The following ZNF585B variants were observed in gnomAD, a reference collection of about 807,000 sequenced individuals.
ZNF585B encodes zinc finger protein 41-like protein.
Under a neutral mutation model 14.0 loss-of-function variants are expected in ZNF585B, and 7 were observed. That is an observed-to-expected ratio of 0.50 (90% confidence interval 0.28 to 0.94). The LOEUF (loss-of-function observed/expected upper bound fraction) is 0.94. ZNF585B is among the 40% of genes least tolerant of loss of function. ZNF585B has a pLI of 0.09. For missense variants in ZNF585B, 750 were observed against 924.4 expected, an observed-to-expected ratio of 0.81 and a Z score of 2.45; for synonymous variants, 290 against 317.3, an observed-to-expected ratio of 0.91 and a Z score of 0.91.
At position 37,182,300 on chromosome 19, in the gene ZNF585B, G is replaced by A. The variant is rs1430053362; in HGVS notation, c.*2927C>T. The stretch of plus-strand genomic sequence containing the variant: ...CCATATTTCCTGGAATTCATGAGGA[G>A]TGATACACTTAGGAGTAAGGTAAAA... On this transcript the variant is annotated 3_prime_UTR_variant, in exon 5 of 5. Transcript: ENST00000532828. The A allele has an allele frequency of 6.6e-6, 1 of 152,212 alleles. No homozygotes were observed. The highest frequency in any genetic ancestry group is 1.5e-5 in the Non-Finnish European group (1 of 68,046). 9.4% of individuals were successfully genotyped at this position (152,212 alleles called of 1,614,324 possible). A position where few individuals can be genotyped will look rare whatever the true frequency, so the allele number is the denominator to read the frequency against.
intron 2 of ZNF585B, among the ~76,000 whole-genome samples, chr19:37,200,906 C>T (rs374124383): frequency 1.1e-3 from 161 of 151,836 alleles, no homozygotes; most frequent in African/African-American, 3.4e-3. Context: ...TCCTGCCCAA[C>T]GTGGTGAAAC....
rs376398560 is a variant in ZNF585B, at chr19:37,184,414, AAGAG to A, written c.*809_*812del. On this transcript the variant is annotated 3_prime_UTR_variant, in exon 5 of 5. Coordinates refer to ENST00000532828, the MANE Select transcript of ZNF585B (RefSeq NM_152279.4). Reference sequence around the variant, plus strand: ...AAAGAAAGAAAGAAAGAAAGAAAGAAAGAGAAAGAAAGAAAAAGAAAGAAAGAAG... The same window carrying A: ...AAAGAAAGAAAGAAAGAAAGAAAGAAAAAGAAAGAAAAAGAAAGAAAGAAG... 42 of 37,232 alleles carry A rather than the reference AAGAG, an allele frequency of 1.1e-3. 4 individuals carry two copies. Among genetic ancestry groups the A allele is most frequent in the African/African-American group, 2.3e-3 (20 of 8,518 alleles). The allele number at this position is 37,232 out of a possible 1,614,324, so 2.3% of individuals were successfully genotyped here.
rs59685400 is a variant in ZNF585B, at chr19:37,184,428, A to AAGAGAGAG, written c.*798_*799insCTCTCTCT. ...AGAAAGAAAGAAAGAGAAAGAAAGA[A>AAGAGAGAG]AAAGAAAGAAAGAAGGAAAGAAAGA... is the stretch of plus-strand genomic sequence containing the variant. On this transcript the variant is annotated 3_prime_UTR_variant, in exon 5 of 5. Coordinates refer to ENST00000532828, the MANE Select transcript of ZNF585B (RefSeq NM_152279.4). 4 of 52,466 alleles carry AAGAGAGAG rather than the reference A, an allele frequency of 7.6e-5. No individual in the cohort carries two copies. In the East Asian group the frequency reaches 1.7e-3, roughly 23 times the overall value. 3.3% of individuals were successfully genotyped at this position (52,466 alleles called of 1,614,324 possible).
At position 37,202,419 on chromosome 19, in the gene ZNF585B, A is replaced by G. The variant is rs540753934; in HGVS notation, c.72+4621T>C. ...CAAAATAAAACAAAAACCTGAAACA[A>G]GGTTGAGAATAATTTCTGATATTAT... On this transcript the variant is annotated intron_variant, in intron 2 of 4. Transcript: ENST00000532828. Among the ~76,000 whole-genome samples the G allele has an allele frequency of 5.2e-4, 79 of 152,352 alleles. 3 individuals carry two copies. The South Asian group carries it at 8.3e-3, about 16-fold the overall frequency.
At position 37,184,682 on chromosome 19, in the gene ZNF585B, G is replaced by A. The variant is rs945756512; in HGVS notation, c.*545C>T. 47 of 225,788 alleles carry A rather than the reference G, an allele frequency of 2.1e-4. No individual in the cohort carries two copies. Among genetic ancestry groups the A allele is most frequent in the Middle Eastern group, 1.4e-3 (1 of 722 alleles). 14.0% of individuals were successfully genotyped at this position (225,788 alleles called of 1,614,324 possible). On this transcript the variant is annotated 3_prime_UTR_variant, in exon 5 of 5. Transcript: ENST00000532828. ...CTGTGTCTGAATACACAGGGAGTTTGTCTTATTGCAGTATCTCTTGCTTGA... is the reference window on the plus strand; with the variant it reads ...CTGTGTCTGAATACACAGGGAGTTTATCTTATTGCAGTATCTCTTGCTTGA...
At chr19:37,209,383 G>A (rs1211832710) in intron 1 of ZNF585B, among the ~76,000 whole-genome samples, 2 of 151,950 alleles carry the variant, frequency 1.3e-5, no homozygotes, top group South Asian at 2.1e-4. Context: ...GATTACAGGC[G>A]TGAGCCACCA....
intron 3 of ZNF585B, 29 bp downstream of exon 3, chr19:37,189,995 C>T: frequency 1.9e-6 from 3 of 1,611,258 alleles, no homozygotes; most frequent in Non-Finnish European, 2.5e-6. Context: ...GTGAGGCCTC[C>T]TTTCAGATAC....
intron 1 of ZNF585B, among the ~76,000 whole-genome samples, chr19:37,208,443 GA>G (rs1363906032): frequency 6.6e-6 from 1 of 151,808 alleles, no homozygotes; most frequent in East Asian, 1.9e-4. Context: ...AGCTATAACA[GA>G]AAAAAACAGG....
At chr19:37,196,960 A>C (rs954611701) in intron 2 of ZNF585B, among the ~76,000 whole-genome samples, 9 of 152,156 alleles carry the variant, frequency 5.9e-5, no homozygotes, top group Non-Finnish European at 1.0e-4. Context: ...AACTGTGCTT[A>C]GTATAATTGC....
intron 2 of ZNF585B, among the ~76,000 whole-genome samples, chr19:37,200,258 A>C (rs983848932): frequency 1.3e-5 from 2 of 151,700 alleles, no homozygotes; most frequent in African/African-American, 4.8e-5. Flanking sequence ...CCCTGCTAAA[A>C]CACAAAAGGT....
At position 37,207,273 on chromosome 19, in the gene ZNF585B, C is replaced by G. The variant is rs978590836; in HGVS notation, c.-143-19G>C. 2 of 1,432,648 alleles carry G rather than the reference C, an allele frequency of 1.4e-6. No homozygotes were observed. Among genetic ancestry groups the G allele is most frequent in the East Asian group, 5.0e-5 (2 of 39,620 alleles). The allele number at this position is 1,432,648 out of a possible 1,614,324, so 88.7% of individuals were successfully genotyped here. On this transcript the variant is annotated intron_variant, in intron 1 of 4. Coordinates refer to ENST00000532828, the MANE Select transcript of ZNF585B (RefSeq NM_152279.4). ...CAAGAACCTAGAAAAACAATGTCCA[C>G]GTAGTCATTCAACATTCACTACATA...
At chr19:37,200,907 G>A (rs548325461) in intron 2 of ZNF585B, among the ~76,000 whole-genome samples, 58 of 151,586 alleles carry the variant, frequency 3.8e-4, no homozygotes, top group Non-Finnish European at 6.5e-4. Flanking sequence ...CCTGCCCAAC[G>A]TGGTGAAACC....
rs769324998 is a variant in ZNF585B at position 37,187,111 on chromosome 19, C to CTTCCAGGTGAAGCTCTTTCCAAATT, written c.401_425dup (p.Ser143IlefsTer28). 1 of 1,614,122 alleles carries CTTCCAGGTGAAGCTCTTTCCAAATT rather than the reference C, an allele frequency of 6.2e-7. No homozygotes were observed. Among genetic ancestry groups the CTTCCAGGTGAAGCTCTTTCCAAATT allele is most frequent in the Non-Finnish European group, 8.5e-7 (1 of 1,180,020 alleles). On this transcript the variant is annotated frameshift_variant, in exon 5 of 5. Coordinates refer to ENST00000532828, the MANE Select transcript of ZNF585B (RefSeq NM_152279.4). LOFTEE classifies it low-confidence loss of function (END_TRUNC). ...CTTTCAGATGTACCTTGAACTGTGA[C>CTTCCAGGTGAAGCTCTTTCCAAATT]TTCCAGGTGAAGCTCTTTCCAAATT... is the stretch of plus-strand genomic sequence containing the variant.
intron 2 of ZNF585B, among the ~76,000 whole-genome samples, chr19:37,197,460 T>C (rs973460327): frequency 1.3e-5 from 2 of 152,210 alleles, no homozygotes; most frequent in African/African-American, 4.8e-5. Flanking sequence ...TGTGTCTTTA[T>C]AGTAGCATGA....
intron 2 of ZNF585B, among the ~76,000 whole-genome samples, chr19:37,203,810 T>C (rs893599808): frequency 6.6e-6 from 1 of 152,178 alleles, no homozygotes; most frequent in African/African-American, 2.4e-5. Context: ...GTATTTTTGG[T>C]GGAGACAGGG....
chr19:37,188,192 C>T (rs1467804266), intron 4 of ZNF585B, among the ~76,000 whole-genome samples: 2 of 152,050 alleles, frequency 1.3e-5, no homozygotes, highest in African/African-American at 4.8e-5. Context: ...AAAGCAATGA[C>T]AAAAACAAAC....
chr19:37,181,616 G>C lies in ZNF585B; in HGVS notation c.*3611C>G, dbSNP rs1196674537. The C allele has an allele frequency of 6.6e-6, 1 of 150,588 alleles. No homozygotes were observed. The highest frequency in any genetic ancestry group is 2.4e-5 in the African/African-American group (1 of 40,878). The allele number at this position is 150,588 out of a possible 1,614,324, so 9.3% of individuals were successfully genotyped here. A position where few individuals can be genotyped will look rare whatever the true frequency, so the allele number is the denominator to read the frequency against. On this transcript the variant is annotated 3_prime_UTR_variant, in exon 5 of 5. Transcript: ENST00000532828. Reference sequence around the variant, plus strand: ...CTTTATTCATAATCAACAAAACTTGGAAGCAATTAAGGTGTCCTTCAGTAG... The same window carrying C: ...CTTTATTCATAATCAACAAAACTTGCAAGCAATTAAGGTGTCCTTCAGTAG...
chr19:37,208,148 T>A (rs536767041), intron 1 of ZNF585B, among the ~76,000 whole-genome samples: 1 of 152,268 alleles, frequency 6.6e-6, no homozygotes, highest in Non-Finnish European at 1.5e-5. Flanking sequence ...AATTTTTGTA[T>A]TTTTAGTAGA....
rs200637661 is a variant in ZNF585B, at chr19:37,189,923, C to CAAA, written c.199+98_199+100dup. On this transcript the variant is annotated intron_variant, in intron 3 of 4. Transcript: ENST00000532828. ...CAGAGAACCCTGGAGGAAAAAAGGA[C>CAAA]AAAACCATCACCTATCTAAGATGCC... 2,270 of 1,572,246 alleles carry CAAA rather than the reference C, an allele frequency of 1.4e-3. 35 individuals are homozygous for CAAA. In the African/African-American group the frequency reaches 0.028, roughly 19 times the overall value.
Sources: allele counts gnomAD v4.1 joint callset (sites outside exome capture counted in the v4.1 genomes callset), GRCh38; gene constraint gnomAD v4.1.1; transcripts MANE v1.5; gene names NCBI Gene and HGNC (gene_info 2026-07-23, HGNC 2026-07-21).